Variants in MACROD2 observed in about 807,000 individuals in gnomAD.
The protein encoded by MACROD2 is mono-ADP ribosylhydrolase 2.
In MACROD2, 36 loss-of-function variants were observed where a neutral mutation model predicts 70.4. The observed-to-expected ratio is 0.51, with a 90% CI of 0.39 to 0.68. The LOEUF is 0.68. Among genes scored for constraint, MACROD2 ranks in the 30% least tolerant of loss-of-function variants. The pLI is 0.00. For synonymous variants in MACROD2, 172 were observed against 178.8 expected (o/e 0.96, Z 0.30); for missense variants, 496 against 538.4 (o/e 0.92, Z 0.78).
At chr20:14,175,383 G>A (rs1237112345) in intron 3 of MACROD2, among the ~76,000 whole-genome samples, 1 of 152,176 alleles carries the variant, frequency 6.6e-6, no homozygotes, top group African/African-American at 2.4e-5. Context: ...CTAATGAAGT[G>A]TGGAGGGAGG....
At chr20:15,013,468 C>T (rs1043311255) in intron 5 of MACROD2, among the ~76,000 whole-genome samples, 1 of 152,096 alleles carries the variant, frequency 6.6e-6, no homozygotes, top group African/African-American at 2.4e-5. Context: ...GGTAGACAGT[C>T]CTCAGCTGTC....
intron 4 of MACROD2, among the ~76,000 whole-genome samples, chr20:14,649,826 A>G (rs1312794043): frequency 6.6e-6 from 1 of 152,156 alleles, no homozygotes; most frequent in East Asian, 1.9e-4. Flanking sequence ...AGAACTCTAC[A>G]TCTAATAAAC....
chr20:14,504,369 G>C (rs575973614), intron 4 of MACROD2, among the ~76,000 whole-genome samples: 1 of 152,140 alleles, frequency 6.6e-6, no homozygotes, highest in Non-Finnish European at 1.5e-5. Context: ...GCTCAGTGAG[G>C]TTAGGATGAA....
chr20:15,024,513 C>A, intron 5 of MACROD2, among the ~76,000 whole-genome samples: 1 of 151,548 alleles, frequency 6.6e-6, no homozygotes, highest in African/African-American at 2.4e-5. Context: ...AATGTGTTAG[C>A]AAATTAGTAG....
At chr20:14,960,868 T>C (rs1020049267) in intron 5 of MACROD2, among the ~76,000 whole-genome samples, 1 of 152,170 alleles carries the variant, frequency 6.6e-6, no homozygotes, top group Non-Finnish European at 1.5e-5. Context: ...AGACTAGAAA[T>C]TGGGGCTTTG....
chr20:15,105,669 A>G (rs1317159690), intron 5 of MACROD2, among the ~76,000 whole-genome samples: 1 of 152,104 alleles, frequency 6.6e-6, no homozygotes, highest in Non-Finnish European at 1.5e-5. Context: ...TAAATCATTC[A>G]GGGAGCTTCT....
chr20:14,827,915 G>GA (rs1438097047), intron 5 of MACROD2, among the ~76,000 whole-genome samples: 1 of 151,848 alleles, frequency 6.6e-6, no homozygotes, highest in Non-Finnish European at 1.5e-5. Context: ...ATATGAAGTA[G>GA]AAAAAATTAC....
At chr20:14,240,329 C>T (rs2081917799) in intron 3 of MACROD2, among the ~76,000 whole-genome samples, 1 of 152,110 alleles carries the variant, frequency 6.6e-6, no homozygotes, top group Non-Finnish European at 1.5e-5. Flanking sequence ...TCAGCAATTC[C>T]ATTATTGGGT....
intron 9 of MACROD2, among the ~76,000 whole-genome samples, chr20:15,878,563 C>A (rs2064708453): frequency 6.6e-6 from 1 of 152,004 alleles, no homozygotes; most frequent in African/African-American, 2.4e-5. Flanking sequence ...TTGTTTATTT[C>A]ACTTCCCCAA....
At chr20:15,134,245 C>T (rs76851289) in intron 5 of MACROD2, among the ~76,000 whole-genome samples, 11,485 of 146,720 alleles carry the variant, frequency 0.078, 545 homozygotes, top group East Asian at 0.26. Flanking sequence ...TTGCCCGAGC[C>T]GGGCAGGGTG....
intron 8 of MACROD2, among the ~76,000 whole-genome samples, chr20:15,770,960 A>G (rs1383392011): frequency 1.3e-5 from 2 of 152,218 alleles, no homozygotes; most frequent in Non-Finnish European, 2.9e-5. Context: ...CAAATCAATG[A>G]GGAATGAGAG....
chr20:14,134,964 A>G (rs2054775567), intron 3 of MACROD2, among the ~76,000 whole-genome samples: 1 of 152,148 alleles, frequency 6.6e-6, no homozygotes, highest in South Asian at 2.1e-4. Context: ...TAATGGCAAC[A>G]AAGTTAAACA....
chr20:14,220,300 A>G (rs1288448108), intron 3 of MACROD2, among the ~76,000 whole-genome samples: 1 of 152,002 alleles, frequency 6.6e-6, no homozygotes, highest in African/African-American at 2.4e-5. Flanking sequence ...GCAGGTTGTC[A>G]GGGAAGTTGG....
intron 8 of MACROD2, among the ~76,000 whole-genome samples, chr20:15,510,338 T>C (rs1452058721): frequency 1.3e-5 from 2 of 152,204 alleles, no homozygotes; most frequent in Non-Finnish European, 2.9e-5. Context: ...CTTCATCCCT[T>C]CTAGGTAGGA....
intron 3 of MACROD2, among the ~76,000 whole-genome samples, chr20:14,242,956 T>C (rs1569223888): frequency 6.6e-6 from 1 of 152,194 alleles, no homozygotes; most frequent in African/African-American, 2.4e-5. Flanking sequence ...TCCCATCTTG[T>C]TTTCACTAAT....
chr20:14,143,619 A>G lies in MACROD2; in HGVS notation c.271+57891A>G, dbSNP rs73612337. Among the ~76,000 whole-genome samples, 74 of 152,190 alleles carry G rather than the reference A, an allele frequency of 4.9e-4. 2 individuals are homozygous for G. The East Asian group carries it at 0.013, about 27-fold the overall frequency. On this transcript the variant is annotated intron_variant, in intron 3 of 17. Transcript: ENST00000684519. ...TTATTTCATTGTAAAGACATTTCTG[A>G]CCATTTTCTTTAATTGAATAGCAGA... is the stretch of plus-strand genomic sequence containing the variant.
intron 9 of MACROD2, among the ~76,000 whole-genome samples, chr20:15,875,302 C>A (rs1264807464): frequency 6.6e-6 from 1 of 152,100 alleles, no homozygotes; most frequent in East Asian, 1.9e-4. Context: ...CTTACTCAGT[C>A]TGAATTGTAC....
intron 7 of MACROD2, among the ~76,000 whole-genome samples, chr20:15,439,982 CA>C (rs755460971): frequency 1.4e-4 from 22 of 152,284 alleles, no homozygotes; most frequent in Admixed American, 7.2e-4. Context: ...TTTCAGATCT[CA>C]GGCGTGCTTT....
At chr20:14,477,509 C>T (rs1466847638) in intron 3 of MACROD2, among the ~76,000 whole-genome samples, 2 of 152,064 alleles carry the variant, frequency 1.3e-5, no homozygotes, top group East Asian at 1.9e-4. Context: ...AGAATAGTTC[C>T]GTGTCCAAGA....
Sources: allele counts gnomAD v4.1 joint callset (sites outside exome capture counted in the v4.1 genomes callset), GRCh38; gene constraint gnomAD v4.1.1; transcripts MANE v1.5; gene names NCBI Gene and HGNC (gene_info 2026-07-23, HGNC 2026-07-21).